Variants in PXDNL observed in about 807,000 individuals in gnomAD.
PXDNL encodes the protein peroxidasin like, also known as probable oxidoreductase PXDNL.
A neutral mutation model predicts 150.8 loss-of-function variants in PXDNL; 145 were observed. The ratio of observed to expected loss-of-function variants is 0.96; its 90% confidence interval spans 0.84 to 1.10. The LOEUF is 1.10. Among genes scored for constraint, PXDNL ranks in the 50% least tolerant of loss-of-function variants. The probability of loss-of-function intolerance (pLI) is 0.00; values close to 1 mark genes in which losing one functional copy is unlikely to be tolerated. For missense variants in PXDNL, 2,087 were observed against 1,873.9 expected (o/e 1.11, Z -2.10); for synonymous variants, 757 against 725.7 (o/e 1.04, Z -0.69).
chr8:51,758,457 G>A (rs2037126381), intron 1 of PXDNL, among the ~76,000 whole-genome samples: 1 of 152,152 alleles, frequency 6.6e-6, no homozygotes, highest in Non-Finnish European at 1.5e-5. Context: ...CAAGCTGAGG[G>A]AAGGGATTTG....
rs182492914 is a variant in PXDNL at position 51,666,656 on chromosome 8, A to T, written c.165-11896T>A. On this transcript the variant is annotated intron_variant, in intron 1 of 22. Coordinates refer to ENST00000356297, the MANE Select transcript of PXDNL (RefSeq NM_144651.5). ...CTCACTATTTTTCTATTCTCAGCCC[A>T]GACACAAAATCAGAGTCCTAGGAGC... 3.3e-5 allele frequency among the ~76,000 whole-genome samples: 5 copies of T among 152,206 alleles called. No homozygotes were observed. The East Asian group carries it at 9.7e-4, about 29-fold the overall frequency.
chr8:51,462,660 C>A (rs1810109250), intron 8 of PXDNL, among the ~76,000 whole-genome samples: 2 of 151,850 alleles, frequency 1.3e-5, no homozygotes, highest in African/African-American at 2.4e-5. Context: ...ATAAGGAGAC[C>A]AAACCTACAA....
intron 4 of PXDNL, among the ~76,000 whole-genome samples, chr8:51,533,541 C>G (rs1172618609): frequency 7.1e-6 from 1 of 140,936 alleles, no homozygotes; most frequent in African/African-American, 2.8e-5. Flanking sequence ...CCTCTGATGC[C>G]GAGCCAAAGC....
intron 12 of PXDNL, among the ~76,000 whole-genome samples, chr8:51,444,108 CCT>C (rs991014422): frequency 5.3e-5 from 8 of 152,126 alleles, no homozygotes; most frequent in East Asian, 1.9e-4. Context: ...AATATTTCCC[CCT>C]GTTTCATCAA....
At chr8:51,497,859 G>T (rs2130275862) in intron 5 of PXDNL, among the ~76,000 whole-genome samples, 1 of 152,302 alleles carries the variant, frequency 6.6e-6, no homozygotes, top group Admixed American at 6.5e-5. Flanking sequence ...TAACCATTGT[G>T]GAAGTCAGTG....
intron 1 of PXDNL, 129 bp downstream of exon 1, chr8:51,809,052 T>C (rs750882114): frequency 1.7e-4 from 162 of 939,696 alleles, no homozygotes; most frequent in Non-Finnish European, 6.6e-5. Context: ...GTTTGAAAAG[T>C]GAAAAGCCTC....
At chr8:51,632,720 T>C (rs1048495907) in intron 2 of PXDNL, among the ~76,000 whole-genome samples, 1 of 152,210 alleles carries the variant, frequency 6.6e-6, no homozygotes, top group Non-Finnish European at 1.5e-5. Flanking sequence ...AAACCATAAG[T>C]AAGTCCAAAG....
chr8:51,342,131 A>G (rs939031224), intron 20 of PXDNL, among the ~76,000 whole-genome samples: 51 of 152,264 alleles, frequency 3.3e-4, no homozygotes, highest in Admixed American at 2.9e-3. Flanking sequence ...TCTCATGTTA[A>G]GTGTTCTTAT....
intron 1 of PXDNL, among the ~76,000 whole-genome samples, chr8:51,765,298 T>C (rs1397610907): frequency 1.3e-5 from 2 of 152,190 alleles, no homozygotes; most frequent in African/African-American, 2.4e-5. Context: ...GATGGTCTTA[T>C]AAGGTGAAAT....
chr8:51,495,493 C>G (rs1037786303), intron 5 of PXDNL, among the ~76,000 whole-genome samples: 1 of 152,016 alleles, frequency 6.6e-6, no homozygotes, highest in Non-Finnish European at 1.5e-5. Context: ...AATCCAGGAG[C>G]TGGTTTTTGA....
intron 8 of PXDNL, among the ~76,000 whole-genome samples, chr8:51,470,158 C>A (rs1810291820): frequency 6.6e-6 from 1 of 152,038 alleles, no homozygotes; most frequent in Non-Finnish European, 1.5e-5. Context: ...GCAGCGATTT[C>A]TGTTTATCAA....
chr8:51,340,567 C>T (rs999105694), intron 20 of PXDNL, among the ~76,000 whole-genome samples: 1 of 152,158 alleles, frequency 6.6e-6, no homozygotes, highest in African/African-American at 2.4e-5. Flanking sequence ...AATATGTCTT[C>T]CATTGTTTAC....
intron 2 of PXDNL, among the ~76,000 whole-genome samples, chr8:51,628,421 T>TTC (rs1554559698): frequency 7.1e-6 from 1 of 140,932 alleles, no homozygotes; most frequent in Non-Finnish European, 1.5e-5. Flanking sequence ...TTTTTTTTTT[T>TTC]TGGAGACAGA....
At chr8:51,799,561 T>C (rs2037597636) in intron 1 of PXDNL, among the ~76,000 whole-genome samples, 1 of 152,244 alleles carries the variant, frequency 6.6e-6, no homozygotes, top group African/African-American at 2.4e-5. Flanking sequence ...AACAGAGTTA[T>C]AGTCCCTACT....
intron 4 of PXDNL, among the ~76,000 whole-genome samples, chr8:51,542,171 C>T (rs1812231727): frequency 6.7e-6 from 1 of 150,244 alleles, no homozygotes; most frequent in South Asian, 2.1e-4. Context: ...GGAGTATCCT[C>T]AACATTTAAA....
At chr8:51,458,955 A>G (rs981802718) in intron 8 of PXDNL, among the ~76,000 whole-genome samples, 4 of 151,690 alleles carry the variant, frequency 2.6e-5, no homozygotes, top group African/African-American at 7.3e-5. Flanking sequence ...AGAAGTACCA[A>G]TTAGCCAAAA....
intron 3 of PXDNL, among the ~76,000 whole-genome samples, chr8:51,583,508 C>T (rs768942324): frequency 7.9e-5 from 12 of 152,086 alleles, no homozygotes; most frequent in Non-Finnish European, 1.2e-4. Flanking sequence ...CCTCAAAATT[C>T]CTGAATCTCA....
intron 16 of PXDNL, 90 bp from the exon 17 acceptor site, chr8:51,409,651 C>G: frequency 1.8e-6 from 2 of 1,081,506 alleles, no homozygotes; most frequent in African/African-American, 1.6e-5. Context: ...AACCACCTCC[C>G]ACCCCGCCCG....
intron 19 of PXDNL, among the ~76,000 whole-genome samples, chr8:51,357,725 CTT>C (rs1198095355): frequency 5.3e-5 from 8 of 152,100 alleles, no homozygotes; most frequent in Admixed American, 5.2e-4. Context: ...GGATCCCTGA[CTT>C]TTTTTGGAGA....
Sources: gnomAD v4.1 joint callset for allele counts (sites outside exome capture counted in the v4.1 genomes callset) on GRCh38, gnomAD v4.1.1 for gene constraint, MANE v1.5 for transcripts, NCBI Gene and HGNC (gene_info 2026-07-23, HGNC 2026-07-21) for gene names.